Variants in FKBP15 observed in about 807,000 individuals in gnomAD.
FKBP15 encodes the protein FK506-binding protein 15.
In FKBP15, 106 loss-of-function variants were observed where a neutral mutation model predicts 158.1. The ratio of observed to expected loss-of-function variants is 0.67; its 90% CI spans 0.57 to 0.79. The LOEUF (loss-of-function observed/expected upper bound fraction) is 0.79, where lower values mean the gene tolerates loss of function less well. Among genes scored for constraint, FKBP15 ranks in the 30% least tolerant of loss-of-function variants. The pLI is 0.00. For synonymous variants in FKBP15, 547 were observed against 548.6 expected (o/e 1.00, Z 0.04); for missense variants, 1,287 against 1,479.1 (o/e 0.87, Z 2.13).
intron 1 of FKBP15, among the ~76,000 whole-genome samples, chr9:113,215,056 T>C (rs1831090868): frequency 6.6e-6 from 1 of 152,250 alleles, no homozygotes; most frequent in African/African-American, 2.4e-5. Context: ...CAGATTCCCT[T>C]AAACTTTCTC....
intron 1 of FKBP15, among the ~76,000 whole-genome samples, chr9:113,216,362 A>C (rs1471771990): frequency 6.6e-6 from 1 of 152,266 alleles, no homozygotes; most frequent in Non-Finnish European, 1.5e-5. Context: ...ATATGACTTG[A>C]AACTATTACC....
At chr9:113,213,416 A>C (rs1368267602) in intron 1 of FKBP15, among the ~76,000 whole-genome samples, 12 of 151,944 alleles carry the variant, frequency 7.9e-5, no homozygotes, top group East Asian at 5.8e-4. Context: ...TCTCCAAAAA[A>C]AAAAAAAATT....
At chr9:113,187,771 T>A (rs896558219) in intron 14 of FKBP15, 22 bp downstream of exon 14, 21 of 1,565,144 alleles carry the variant, frequency 1.3e-5, no homozygotes. Context: ...AGGATATAAT[T>A]AATACGGTTA....
At chr9:113,177,057 A>G (rs1391176436) in intron 20 of FKBP15, among the ~76,000 whole-genome samples, 1 of 152,170 alleles carries the variant, frequency 6.6e-6, no homozygotes, top group African/African-American at 2.4e-5. Flanking sequence ...ACCCATATTT[A>G]TCCCATAGAA....
intron 26 of FKBP15, among the ~76,000 whole-genome samples, chr9:113,169,007 G>GCAGGGCCCGCCACACTACCA (rs1294900458): frequency 1.6e-4 from 23 of 144,174 alleles, no homozygotes; most frequent in East Asian, 9.7e-4. Flanking sequence ...CCACACTACC[G>GCAGGGCCCGCCACACTACCA]CAGGGCCCGC....
chr9:113,198,871 G>T lies in FKBP15; in HGVS notation c.701C>A (p.Ser234Ter), dbSNP rs754981943. 1.2e-6 allele frequency: 2 copies of T among 1,604,106 alleles called. No homozygotes were observed. Among genetic ancestry groups the T allele is most frequent in the Non-Finnish European group, 1.7e-6 (2 of 1,174,890 alleles). Reference sequence around the variant, plus strand: ...AGCCTTTACCTTGATGACTTTTCCTGATCCTAACTTCAAGCGAAGCAACTT... The same window carrying T: ...AGCCTTTACCTTGATGACTTTTCCTTATCCTAACTTCAAGCGAAGCAACTT... ...KDKLLRLKLG[S>*]GKVIKGWEDG... Residue 234 changes from serine to a stop codon, truncating the protein, a stop_gained, in exon 8 of 28, where the codon TCA becomes TAA. Coordinates refer to ENST00000238256, the MANE Select transcript of FKBP15 (RefSeq NM_015258.2). LOFTEE classifies it high-confidence loss of function. The surrounding 1 kb of genome is among the most constrained non-coding windows in gnomAD (Gnocchi z 5.2).
In FKBP15 at chr9:113,162,905, C is replaced by A. The variant is rs758956252; in HGVS notation, c.*3173G>T. 26 of 1,610,154 alleles carry A rather than the reference C, an allele frequency of 1.6e-5. 1 individual carries two copies. In the East Asian group the frequency reaches 2.9e-4, roughly 18 times the overall value. ...GCTACTACCTAGCTTACCCACTTCT[C>A]AGCACAGCTTAGCTGGTGAGGAACG... On this transcript the variant is annotated 3_prime_UTR_variant, in exon 28 of 28. Coordinates refer to ENST00000238256, the MANE Select transcript of FKBP15 (RefSeq NM_015258.2).
At chr9:113,174,735 C>A (rs541995974) in intron 21 of FKBP15, among the ~76,000 whole-genome samples, 152 bp from the exon 22 acceptor site, 2 of 152,254 alleles carry the variant, frequency 1.3e-5, no homozygotes, top group Admixed American at 6.5e-5. Context: ...ATTTAACATT[C>A]TTGGCTACTG....
At position 113,176,528 on chromosome 9, in the gene FKBP15, A is replaced by G. The variant is rs1218376843; in HGVS notation, c.2223+9T>C. ...AGCTAATTCTGGCCAACTGGGTTGT[A>G]GAGCTTACCTTTTCCAAGGACTCCT... On this transcript the variant is annotated intron_variant, in intron 21 of 27. Transcript: ENST00000238256. The G allele has an allele frequency of 1.3e-6, 2 of 1,552,288 alleles. No homozygotes were observed. Among genetic ancestry groups the G allele is most frequent in the Non-Finnish European group, 1.7e-6 (2 of 1,147,112 alleles).
rs1413729114 is a variant in FKBP15 at position 113,162,010 on chromosome 9, G to A, written c.*4068C>T. ...ACCCACCCTCCCCCAAATCTCACCA[G>A]TTCCATGGGTCACTAGGCTCCCATA... On this transcript the variant is annotated 3_prime_UTR_variant, in exon 28 of 28. Transcript: ENST00000238256. The A allele has an allele frequency of 1.6e-5, 7 of 445,396 alleles. 1 individual carries two copies. The highest frequency in any genetic ancestry group is 7.0e-5 in the Admixed American group (2 of 28,706). The allele number at this position is 445,396 out of a possible 1,614,324, so 27.6% of individuals were successfully genotyped here. A position where few individuals can be genotyped will look rare whatever the true frequency, so the allele number is the denominator to read the frequency against.
intron 1 of FKBP15, among the ~76,000 whole-genome samples, chr9:113,216,413 G>T (rs570866532): frequency 6.6e-6 from 1 of 152,272 alleles, no homozygotes; most frequent in East Asian, 1.9e-4. Flanking sequence ...TAAGTTTCCT[G>T]TAAATAGGCC....
At chr9:113,213,324 G>A (rs987014972) in intron 1 of FKBP15, among the ~76,000 whole-genome samples, 11 of 151,644 alleles carry the variant, frequency 7.3e-5, no homozygotes, top group African/African-American at 2.2e-4. Context: ...CAGGAGAATC[G>A]CCTGAACCAA....
intron 26 of FKBP15, 57 bp from the exon 27 acceptor site, chr9:113,168,613 C>T (rs924459899): frequency 1.8e-5 from 26 of 1,485,338 alleles, no homozygotes; most frequent in Non-Finnish European, 2.3e-5. Flanking sequence ...GTCACAGTAC[C>T]CACCACCTAC....
intron 25 of FKBP15, 24 bp downstream of exon 25, chr9:113,170,498 C>G: frequency 6.5e-7 from 1 of 1,528,982 alleles, no homozygotes; most frequent in Non-Finnish European, 9.1e-7. Context: ...TACGATGAAA[C>G]AAATGACAGC....
Position 113,207,216 on chromosome 9 carries a change from G to T in FKBP15, c.250C>A (p.Arg84=). 1 of 1,611,430 alleles carries T rather than the reference G, an allele frequency of 6.2e-7. No individual in the cohort carries two copies. The highest frequency in any genetic ancestry group is 8.5e-7 in the Non-Finnish European group (1 of 1,178,180). ...ILVATAVHAY[R]YTNGQYVKQG... ...TGTTCCTTCTCAGCGACTTACTATCGATATGCATGGACTGCTGTTGCGACC... is the reference window on the plus strand; with the variant it reads ...TGTTCCTTCTCAGCGACTTACTATCTATATGCATGGACTGCTGTTGCGACC... The change falls in exon 3 of 28, where the codon CGA becomes AGA. Residue 84 remains arginine (R), a synonymous_variant. Coordinates refer to ENST00000238256, the MANE Select transcript of FKBP15 (RefSeq NM_015258.2).
intron 1 of FKBP15, among the ~76,000 whole-genome samples, chr9:113,212,065 T>A (rs1163257219): frequency 6.6e-6 from 1 of 152,180 alleles, no homozygotes; most frequent in Non-Finnish European, 1.5e-5. Context: ...AACTTACCCA[T>A]CAAACATGGT....
intron 23 of FKBP15, among the ~76,000 whole-genome samples, chr9:113,173,211 A>C (rs1056586689): frequency 6.6e-6 from 1 of 152,234 alleles, no homozygotes; most frequent in Non-Finnish European, 1.5e-5. Flanking sequence ...TTAATAAATG[A>C]AGGATCCAAT....
At position 113,193,498 on chromosome 9, in the gene FKBP15, T is replaced by A. The variant is rs967502483; in HGVS notation, c.1059A>T (p.Ile353=). Residue 353 remains isoleucine (I), a synonymous_variant, in exon 11 of 28, where the codon ATA becomes ATT. Coordinates refer to ENST00000238256, the MANE Select transcript of FKBP15 (RefSeq NM_015258.2). ...CCAAGACTCTTATACTTACTGTATT[T>A]ATTGCAAGTTGTTCACTGAGGGAGT... ...KSNSLSEQLA[I]NTSPDAVKAK... is the part of the protein sequence containing the mutation. 5 of 1,594,172 alleles carry A rather than the reference T, an allele frequency of 3.1e-6. No homozygotes were observed. The African/African-American group carries it at 6.7e-5, about 21-fold the overall frequency.
intron 1 of FKBP15, 84 bp downstream of exon 1, chr9:113,221,107 G>A (rs1303251630): frequency 2.1e-6 from 3 of 1,420,832 alleles, no homozygotes; most frequent in Non-Finnish European, 1.9e-6. Flanking sequence ...TTGGGAAAAG[G>A]CCTGAGAAGA....
Sources: allele counts gnomAD v4.1 joint callset (sites outside exome capture counted in the v4.1 genomes callset), GRCh38; gene constraint gnomAD v4.1.1; non-coding constraint Gnocchi (gnomAD v3.1); transcripts MANE v1.5; gene names NCBI Gene and HGNC (gene_info 2026-07-23, HGNC 2026-07-21).